Variants in SLC14A2 observed in about 807,000 individuals in gnomAD.
SLC14A2 encodes urea transporter 2.
A neutral mutation model predicts 104.6 loss-of-function variants in SLC14A2; 91 were observed. The ratio of observed to expected loss-of-function variants is 0.87; its 90% CI spans 0.73 to 1.04. The LOEUF (loss-of-function observed/expected upper bound fraction) is 1.04, where lower values mean the gene tolerates loss of function less well. SLC14A2 is among the 50% of genes least tolerant of loss of function. The probability of loss-of-function intolerance (pLI) is 0.00; values close to 1 mark genes in which losing one functional copy is unlikely to be tolerated. For synonymous variants in SLC14A2, 476 were observed against 466.4 expected, an observed-to-expected ratio of 1.02 and a Z score of -0.27; for missense variants, 1,189 against 1,156.0, an observed-to-expected ratio of 1.03 and a Z score of -0.41.
At chr18:45,411,211 G>T (rs886313803) in intron 1 of SLC14A2, among the ~76,000 whole-genome samples, 1 of 152,154 alleles carries the variant, frequency 6.6e-6, no homozygotes, top group African/African-American at 2.4e-5. Context: ...ATGTGTGTGT[G>T]TGTGATTAAG....
At chr18:45,300,901 AG>A (rs1223464239) in intron 1 of SLC14A2, among the ~76,000 whole-genome samples, 2 of 152,212 alleles carry the variant, frequency 1.3e-5, no homozygotes, top group Non-Finnish European at 2.9e-5. Context: ...GGGAGCTGGC[AG>A]CCTGATAAAG....
chr18:45,347,297 T>C (rs1225443426), intron 1 of SLC14A2, among the ~76,000 whole-genome samples: 3 of 151,922 alleles, frequency 2.0e-5, no homozygotes, highest in Non-Finnish European at 4.4e-5. Flanking sequence ...AGAGGTTGCA[T>C]TGAGTCAAGA....
At chr18:45,388,797 G>A (rs916011683) in intron 1 of SLC14A2, among the ~76,000 whole-genome samples, 3 of 152,246 alleles carry the variant, frequency 2.0e-5, no homozygotes, top group Middle Eastern at 3.4e-3. Context: ...ACAGGAGGTC[G>A]CTGAAGGCCA....
Position 45,683,490 on chromosome 18 carries a change from G to A in SLC14A2, c.*971G>A, listed in dbSNP as rs914888903. 1.3e-5 allele frequency: 2 copies of A among 152,194 alleles called. No individual in the cohort carries two copies. The highest frequency in any genetic ancestry group is 4.8e-5 in the African/African-American group (2 of 41,450). 9.4% of individuals were successfully genotyped at this position (152,194 alleles called of 1,614,324 possible). ...ATAAAGTTTTATTCTTGAGTCATAG[G>A]AAAATGCTCTCCAGACGTGGGGTTA... is the stretch of plus-strand genomic sequence containing the variant. On this transcript the variant is annotated 3_prime_UTR_variant, in exon 20 of 20. Coordinates refer to ENST00000255226, the MANE Select transcript of SLC14A2 (RefSeq NM_007163.4).
intron 2 of SLC14A2, among the ~76,000 whole-genome samples, chr18:45,560,409 T>C (rs2044185876): frequency 6.6e-6 from 1 of 152,106 alleles, no homozygotes; most frequent in Non-Finnish European, 1.5e-5. Flanking sequence ...GCCACCTCCT[T>C]TTTATCCATA....
intron 2 of SLC14A2, among the ~76,000 whole-genome samples, chr18:45,557,978 T>C (rs1002507463): frequency 1.3e-5 from 2 of 152,136 alleles, no homozygotes; most frequent in African/African-American, 4.8e-5. Context: ...GGATGTCCAC[T>C]CAAAGACACT....
chr18:45,466,437 G>A (rs958009556), intron 1 of SLC14A2, among the ~76,000 whole-genome samples: 2 of 151,654 alleles, frequency 1.3e-5, no homozygotes, highest in Non-Finnish European at 2.9e-5. Flanking sequence ...GAATGTGCTA[G>A]CAAAGCTGAG....
intron 5 of SLC14A2, among the ~76,000 whole-genome samples, chr18:45,632,871 G>T (rs1344525327): frequency 6.6e-6 from 1 of 152,142 alleles, no homozygotes; most frequent in Non-Finnish European, 1.5e-5. Context: ...TAGAGACAGG[G>T]TTTCACTGTG....
chr18:45,222,762 CTTTG>C (rs2084075570), intron 1 of SLC14A2, among the ~76,000 whole-genome samples: 1 of 152,178 alleles, frequency 6.6e-6, no homozygotes, highest in African/African-American at 2.4e-5. Context: ...ATTTTTATTC[CTTTG>C]TTTAATACTT....
At chr18:45,388,857 G>A (rs911498946) in intron 1 of SLC14A2, among the ~76,000 whole-genome samples, 1 of 152,162 alleles carries the variant, frequency 6.6e-6, no homozygotes, top group African/African-American at 2.4e-5. Context: ...TAAAGCAAAG[G>A]AATTATGCTT....
chr18:45,372,164 T>C (rs2085729477), intron 1 of SLC14A2, among the ~76,000 whole-genome samples: 1 of 151,858 alleles, frequency 6.6e-6, no homozygotes, highest in African/African-American at 2.4e-5. Flanking sequence ...ATACAAAAAT[T>C]AGCCAGGAAT....
intron 1 of SLC14A2, among the ~76,000 whole-genome samples, chr18:45,256,635 C>A (rs1220600678): frequency 1.3e-5 from 2 of 152,202 alleles, no homozygotes; most frequent in African/African-American, 4.8e-5. Context: ...TTCATTTTAA[C>A]AAAGGGTTAG....
chr18:45,286,522 C>T (rs1005109430), intron 1 of SLC14A2, among the ~76,000 whole-genome samples: 5 of 152,228 alleles, frequency 3.3e-5, no homozygotes, highest in African/African-American at 1.2e-4. Flanking sequence ...ACCATATCTA[C>T]TCTCATTTTA....
exon 2 of SLC14A2, chr18:45,483,277 A>G (rs1400257350): frequency 6.6e-6 from 1 of 152,226 alleles, no homozygotes; most frequent in Admixed American, 6.5e-5. Context: ...GTAGAGATTC[A>G]TAAGACCTTT....
At chr18:45,287,270 GA>G (rs2084824115) in intron 1 of SLC14A2, among the ~76,000 whole-genome samples, 1 of 152,220 alleles carries the variant, frequency 6.6e-6, no homozygotes, top group African/African-American at 2.4e-5. Flanking sequence ...GCATTAATTA[GA>G]AAGAGGTAGA....
At chr18:45,461,858 C>T in intron 1 of SLC14A2, among the ~76,000 whole-genome samples, 1 of 152,186 alleles carries the variant, frequency 6.6e-6, no homozygotes, top group Admixed American at 6.5e-5. Context: ...TTCGTAAATA[C>T]TGTGAATTAA....
intron 1 of SLC14A2, among the ~76,000 whole-genome samples, chr18:45,322,739 T>G (rs1324622720): frequency 6.6e-6 from 1 of 152,210 alleles, no homozygotes; most frequent in Non-Finnish European, 1.5e-5. Flanking sequence ...TCATCAAGAC[T>G]ACTTCTCAAG....
chr18:45,405,593 A>G (rs1160670211), intron 1 of SLC14A2, among the ~76,000 whole-genome samples: 1 of 152,172 alleles, frequency 6.6e-6, no homozygotes, highest in Admixed American at 6.5e-5. Flanking sequence ...ATTTAAAAAT[A>G]CTTTATTGCT....
At chr18:45,306,675 T>C (rs866055620) in intron 1 of SLC14A2, among the ~76,000 whole-genome samples, 2 of 152,016 alleles carry the variant, frequency 1.3e-5, no homozygotes, top group African/African-American at 4.8e-5. Context: ...AGTAGAAGAG[T>C]CCAGAGCCGA....
Sources: allele counts gnomAD v4.1 joint callset (sites outside exome capture counted in the v4.1 genomes callset), GRCh38; gene constraint gnomAD v4.1.1; transcripts MANE v1.5; gene names NCBI Gene and HGNC (gene_info 2026-07-23, HGNC 2026-07-21).